FABP6: variants seen among roughly 807,000 people sequenced by gnomAD.
The protein encoded by FABP6 is fatty acid binding protein 6, also known as gastrotropin.
Under a neutral mutation model 14.9 loss-of-function variants are expected in FABP6, and 13 were observed. That is an observed-to-expected ratio of 0.87 (90% CI 0.57 to 1.39). FABP6 has a LOEUF of 1.39. FABP6 is among the 40% of genes most tolerant of loss of function. FABP6 has a pLI of 0.00. For missense variants in FABP6, 161 were observed against 167.2 expected (o/e 0.96, Z 0.20); for synonymous variants, 75 against 63.6 (o/e 1.18, Z -0.85).
At chr5:160,201,615 A>C (rs1759642116) in intron 2 of FABP6, among the ~76,000 whole-genome samples, 1 of 152,038 alleles carries the variant, frequency 6.6e-6, no homozygotes, top group Non-Finnish European at 1.5e-5. Context: ...TTGGGGGAGG[A>C]GCCAGGTGGG....
chr5:160,224,937 C>A (rs1025570137), upstream of FABP6, among the ~76,000 whole-genome samples: 2 of 151,944 alleles, frequency 1.3e-5, no homozygotes, highest in African/African-American at 4.8e-5. Context: ...GCCGTCATGC[C>A]TAGCTAATTT....
intron 3 of FABP6, among the ~76,000 whole-genome samples, chr5:160,220,451 G>A (rs541822086): frequency 6.6e-6 from 1 of 152,088 alleles, no homozygotes; most frequent in South Asian, 2.1e-4. Flanking sequence ...TCTACTAAAA[G>A]TTAAAAAATT....
At chr5:160,196,381 A>G (rs999174471) in intron 1 of FABP6, among the ~76,000 whole-genome samples, 2 of 152,174 alleles carry the variant, frequency 1.3e-5, no homozygotes, top group Non-Finnish European at 2.9e-5. Context: ...AGGAGGCCCC[A>G]AAAAGGAAAC....
rs1760393550 is a variant in FABP6, at chr5:160,232,033, C to T, written c.68-65C>T. The T allele has an allele frequency of 7.6e-6, 12 of 1,572,950 alleles. No homozygotes were observed. The East Asian group carries it at 2.7e-4, about 36-fold the overall frequency. The stretch of plus-strand genomic sequence containing the variant: ...GGCGGTGGGGGTGGGCAGGAAAGCT[C>T]TTTTCCCAAACCACAGGGTTAAAAG... On this transcript the variant is annotated intron_variant, in intron 1 of 3. Transcript: ENST00000402432.
At chr5:160,235,934 G>T (rs1218421800) in intron 3 of FABP6, among the ~76,000 whole-genome samples, 1 of 152,002 alleles carries the variant, frequency 6.6e-6, no homozygotes, top group African/African-American at 2.4e-5. Context: ...ACAAGATCAG[G>T]GTGCCAGCAT....
chr5:160,236,461 A>G (rs1311611955), intron 3 of FABP6, among the ~76,000 whole-genome samples: 1 of 152,168 alleles, frequency 6.6e-6, no homozygotes, highest in African/African-American at 2.4e-5. Context: ...ACACACGCGC[A>G]GTCCATAAGA....
intron 2 of FABP6, among the ~76,000 whole-genome samples, chr5:160,205,792 C>A (rs1759752770): frequency 6.6e-6 from 1 of 152,106 alleles, no homozygotes; most frequent in Non-Finnish European, 1.5e-5. Context: ...CATTTCGTGA[C>A]CTTGAGGATG....
chr5:160,216,914 T>A (rs1760024305), intron 3 of FABP6, among the ~76,000 whole-genome samples: 1 of 152,166 alleles, frequency 6.6e-6, no homozygotes, highest in Admixed American at 6.5e-5. Context: ...GAAGGCTACA[T>A]GTAATCAAAT....
upstream of FABP6, among the ~76,000 whole-genome samples, chr5:160,226,692 A>G (rs1397208385): frequency 2.6e-5 from 4 of 152,202 alleles, no homozygotes; most frequent in East Asian, 7.7e-4. Context: ...TGAAGATTAA[A>G]TAAGATCATT....
intron 3 of FABP6, among the ~76,000 whole-genome samples, chr5:160,217,695 G>A (rs750598440): frequency 6.6e-6 from 1 of 151,792 alleles, no homozygotes; most frequent in East Asian, 1.9e-4. Context: ...GCAGTGCAGC[G>A]GCATGATCAT....
intron 3 of FABP6, among the ~76,000 whole-genome samples, chr5:160,223,731 T>G: frequency 6.6e-6 from 1 of 150,880 alleles, no homozygotes; most frequent in East Asian, 2.0e-4. Context: ...CCTGCCAAAA[T>G]AGTGAACTTC....
At chr5:160,188,523 T>A (rs969984782) in intron 1 of FABP6, among the ~76,000 whole-genome samples, 1 of 152,096 alleles carries the variant, frequency 6.6e-6, no homozygotes, top group South Asian at 2.1e-4. Context: ...GCGCCTCCCC[T>A]TTCCCGCTGG....
At chr5:160,219,753 A>G (rs1353740094) in intron 3 of FABP6, among the ~76,000 whole-genome samples, 2 of 152,118 alleles carry the variant, frequency 1.3e-5, no homozygotes, top group African/African-American at 4.8e-5. Context: ...GGGCCTGGAG[A>G]AGCCACTTGG....
chr5:160,215,160 A>C (rs1759984258), intron 3 of FABP6, among the ~76,000 whole-genome samples: 1 of 152,208 alleles, frequency 6.6e-6, no homozygotes, highest in African/African-American at 2.4e-5. Flanking sequence ...TGTCCAACAA[A>C]AGGAGAATGG....
At chr5:160,188,053 C>T (rs1197151980) in intron 1 of FABP6, among the ~76,000 whole-genome samples, 1 of 7,130 alleles carries the variant, frequency 1.4e-4, no homozygotes, top group Non-Finnish European at 2.6e-4. Context: ...AGACCCCGGC[C>T]TGCTAATATT....
chr5:160,213,773 G>A, exon 3 of FABP6: 1 of 1,613,896 alleles, frequency 6.2e-7, no homozygotes, highest in African/African-American at 1.3e-5. Context: ...ACATGGGTGA[G>A]CCGGAAAGGA....
intron 2 of FABP6, among the ~76,000 whole-genome samples, chr5:160,210,558 G>C (rs1015724319): frequency 2.6e-5 from 4 of 152,170 alleles, no homozygotes; most frequent in African/African-American, 9.7e-5. Context: ...AGCCTGCACA[G>C]CTCTAACACT....
chr5:160,232,987 T>A (rs982103469), intron 2 of FABP6, among the ~76,000 whole-genome samples: 45 of 26,224 alleles, frequency 1.7e-3, no homozygotes, highest in African/African-American at 0.01. Flanking sequence ...AGAGCATAAG[T>A]GTTTTTTTTT....
At chr5:160,213,823 T>C in intron 3 of FABP6, 1 of 1,612,806 alleles carries the variant, frequency 6.2e-7, no homozygotes, top group South Asian at 1.1e-5. Flanking sequence ...AGGAAAGGTA[T>C]GGGGTAGAAG....
Sources: gnomAD v4.1 joint callset for allele counts (sites outside exome capture counted in the v4.1 genomes callset) on GRCh38, gnomAD v4.1.1 for gene constraint, MANE v1.5 for transcripts, NCBI Gene and HGNC (gene_info 2026-07-23, HGNC 2026-07-21) for gene names.